ADGB: variants seen among roughly 807,000 people sequenced by gnomAD.
ADGB encodes calpain-7-like protein.
In ADGB, 172 loss-of-function variants were observed where a neutral mutation model predicts 210.5. That is an observed-to-expected ratio of 0.82 (90% CI 0.72 to 0.93). The LOEUF (loss-of-function observed/expected upper bound fraction) is 0.93, where lower values mean the gene tolerates loss of function less well. Among genes scored for constraint, ADGB ranks in the 40% least tolerant of loss-of-function variants. The probability of loss-of-function intolerance (pLI) is 0.00; values close to 1 mark genes in which losing one functional copy is unlikely to be tolerated. For synonymous variants in ADGB, 658 were observed against 662.7 expected (o/e 0.99, Z 0.11); for missense variants, 2,025 against 1,964.8 (o/e 1.03, Z -0.58).
rs1404726203 is a variant in ADGB, at chr6:146,724,195, A to C, written c.2105A>C (p.Lys702Thr). The C allele has an allele frequency of 3.9e-6, 6 of 1,547,474 alleles. No homozygotes were observed. In the African/African-American group the frequency reaches 8.2e-5, roughly 21 times the overall value. ...VRWGEYGALT[K>T]DSPPIEPGLL... ...TTTACTTATCTTAAAGCCTTAACAA[A>C]AGACAGTCCTCCCATAGAGCCTGGA... Residue 702 changes from lysine (K) to threonine (T), a missense_variant, in exon 18 of 36, where the codon AAA becomes ACA. Coordinates refer to ENST00000397944, the MANE Select transcript of ADGB (RefSeq NM_024694.4).
chr6:146,786,815 T>A (rs949003985), intron 32 of ADGB, among the ~76,000 whole-genome samples: 2 of 152,212 alleles, frequency 1.3e-5, no homozygotes, highest in South Asian at 2.1e-4. Flanking sequence ...TTATTTTTTT[T>A]ATATTTTGTT....
chr6:146,720,306 T>A (rs1776794665), intron 16 of ADGB, among the ~76,000 whole-genome samples: 2 of 151,972 alleles, frequency 1.3e-5, no homozygotes, highest in Admixed American at 1.3e-4. Flanking sequence ...AGCTTACCCT[T>A]TCTGTGTAAT....
chr6:146,761,232 T>G (rs560175269), intron 27 of ADGB, among the ~76,000 whole-genome samples: 1 of 152,172 alleles, frequency 6.6e-6, no homozygotes, highest in African/African-American at 2.4e-5. Flanking sequence ...CATGCATGTT[T>G]ATTTCAATGA....
chr6:146,752,228 T>C (rs1276207261), intron 26 of ADGB, among the ~76,000 whole-genome samples: 2 of 151,682 alleles, frequency 1.3e-5, no homozygotes, highest in Non-Finnish European at 2.9e-5. Context: ...AGCAGGTACA[T>C]CACATGGCCA....
At chr6:146,633,014 T>C (rs1781085774) in intron 1 of ADGB, among the ~76,000 whole-genome samples, 1 of 152,126 alleles carries the variant, frequency 6.6e-6, no homozygotes, top group East Asian at 1.9e-4. Flanking sequence ...TTTCACTTGT[T>C]GTCCAATTTT....
intron 10 of ADGB, 102 bp downstream of exon 10, chr6:146,685,930 T>C (rs1776225794): frequency 4.7e-6 from 3 of 635,588 alleles, no homozygotes; most frequent in Non-Finnish European, 7.2e-6. Flanking sequence ...GAAAATTTAA[T>C]TAAAATTCTA....
At chr6:146,780,062 T>C (rs779254896) in intron 29 of ADGB, among the ~76,000 whole-genome samples, 7 of 151,736 alleles carry the variant, frequency 4.6e-5, no homozygotes, top group Non-Finnish European at 7.4e-5. Flanking sequence ...CATATACATA[T>C]GTATAAAGAT....
At chr6:146,752,021 A>T (rs983130868) in intron 26 of ADGB, among the ~76,000 whole-genome samples, 2 of 152,162 alleles carry the variant, frequency 1.3e-5, no homozygotes, top group Admixed American at 6.6e-5. Context: ...ATATCAGAAA[A>T]TTAGACAGTT....
chr6:146,629,154 A>G (rs1244959627), intron 1 of ADGB, among the ~76,000 whole-genome samples: 1 of 152,196 alleles, frequency 6.6e-6, no homozygotes, highest in Non-Finnish European at 1.5e-5. Flanking sequence ...TTGAAAAATC[A>G]TCTTATTCTC....
At chr6:146,600,865 C>T (rs1049474726) in intron 1 of ADGB, among the ~76,000 whole-genome samples, 2 of 151,866 alleles carry the variant, frequency 1.3e-5, no homozygotes, top group East Asian at 3.9e-4. Context: ...ATGAATGACT[C>T]TCTTAACTAG....
intron 17 of ADGB, among the ~76,000 whole-genome samples, chr6:146,722,265 C>T (rs542182105): frequency 3.9e-5 from 6 of 151,940 alleles, no homozygotes; most frequent in East Asian, 1.9e-4. Context: ...CCCCACTCCC[C>T]GCTCACTGCT....
At position 146,801,189 on chromosome 6, in the gene ADGB, G is replaced by T; in HGVS notation, c.4544G>T (p.Gly1515Val). 1 of 1,477,300 alleles carries T rather than the reference G, an allele frequency of 6.8e-7. No individual in the cohort carries two copies. Among genetic ancestry groups the T allele is most frequent in the Non-Finnish European group, 9.0e-7 (1 of 1,112,106 alleles). 91.5% of individuals were successfully genotyped at this position (1,477,300 alleles called of 1,614,324 possible). Residue 1515 changes from glycine (G) to valine (V), a missense_variant, in exon 34 of 36, where the codon GGA becomes GTA. Transcript: ENST00000397944. ...QSTRKENIQT[G>V]PRTRSPTILE... ...GTGTGTGTTTTTTTTAAAGAAACAG[G>T]ACCTCGTACACGATCTCCAACAATT...
intron 10 of ADGB, among the ~76,000 whole-genome samples, chr6:146,689,519 T>C (rs1366789148): frequency 2.0e-5 from 3 of 152,172 alleles, no homozygotes; most frequent in Non-Finnish European, 4.4e-5. Flanking sequence ...CATTTCCAAA[T>C]GCTTTAAATC....
At chr6:146,614,207 C>CCTTCCTT (rs1780754247) in intron 1 of ADGB, among the ~76,000 whole-genome samples, 3 of 132,578 alleles carry the variant, frequency 2.3e-5, no homozygotes, top group African/African-American at 8.8e-5. Flanking sequence ...CTCCCTTCCT[C>CCTTCCTT]CCTTCCTTCC....
At chr6:146,813,451 A>G (rs9403817) in intron 35 of ADGB, among the ~76,000 whole-genome samples, 12 of 149,078 alleles carry the variant, frequency 8.0e-5, no homozygotes, top group Admixed American at 3.3e-4. Flanking sequence ...ACAGATGCAG[A>G]AATTTTTTTT....
chr6:146,705,079 A>G (rs1776548322), intron 13 of ADGB, among the ~76,000 whole-genome samples: 8 of 151,988 alleles, frequency 5.3e-5, no homozygotes, highest in Admixed American at 5.3e-4. Flanking sequence ...ATGTTTTGGT[A>G]GCTATTGTAA....
Position 146,752,727 on chromosome 6 carries a change from T to A in ADGB, c.3550+13T>A. 6.5e-7 allele frequency: 1 copy of A among 1,537,898 alleles called. No individual in the cohort carries two copies. The highest frequency in any genetic ancestry group is 8.8e-7 in the Non-Finnish European group (1 of 1,141,086). On this transcript the variant is annotated intron_variant, in intron 27 of 35. Transcript: ENST00000397944. ...TTGAGCTCCCAGTGTAAGTGTACCTTTATGAACAGGATAGTTAGATTCATA... is the reference window on the plus strand; with the variant it reads ...TTGAGCTCCCAGTGTAAGTGTACCTATATGAACAGGATAGTTAGATTCATA...
intron 13 of ADGB, among the ~76,000 whole-genome samples, chr6:146,712,490 G>A (rs1047543305): frequency 1.3e-5 from 2 of 151,756 alleles, no homozygotes; most frequent in Non-Finnish European, 2.9e-5. Flanking sequence ...CCAGGCCCTG[G>A]GTTGTTTTTT....
chr6:146,662,213 T>C (rs1775870519), intron 5 of ADGB, among the ~76,000 whole-genome samples: 2 of 152,290 alleles, frequency 1.3e-5, no homozygotes, highest in Admixed American at 1.3e-4. Flanking sequence ...TTCCTTCAAC[T>C]ATATTTTTTG....
Sources: gnomAD v4.1 joint callset for allele counts (sites outside exome capture counted in the v4.1 genomes callset) on GRCh38, gnomAD v4.1.1 for gene constraint, MANE v1.5 for transcripts, NCBI Gene and HGNC (gene_info 2026-07-23, HGNC 2026-07-21) for gene names.